Variants in SLC36A1 observed in about 807,000 individuals in gnomAD.
SLC36A1 encodes proton-coupled amino acid transporter 1.
Under a neutral mutation model 47.5 loss-of-function variants are expected in SLC36A1, and 30 were observed. The observed-to-expected ratio is 0.63, with a 90% CI of 0.47 to 0.86. The LOEUF is 0.86. Among genes scored for constraint, SLC36A1 ranks in the 40% least tolerant of loss-of-function variants. The probability of loss-of-function intolerance (pLI) is 0.00; values close to 1 mark genes in which losing one functional copy is unlikely to be tolerated. For missense variants in SLC36A1, 517 were observed against 606.0 expected (o/e 0.85, Z 1.54); for synonymous variants, 255 against 249.7 (o/e 1.02, Z -0.20).
chr5:151,480,013 T>TG, intron 10 of SLC36A1: 2 of 989,590 alleles, frequency 2.0e-6, no homozygotes, highest in Non-Finnish European at 2.9e-6. Context: ...GGTATTTGAT[T>TG]GATCACTTGT....
intron 10 of SLC36A1, among the ~76,000 whole-genome samples, chr5:151,481,870 G>C (rs555436079): frequency 6.6e-6 from 1 of 152,284 alleles, no homozygotes; most frequent in African/African-American, 2.4e-5. Flanking sequence ...GTCACCTTAT[G>C]TCCAGACCTT....
the SLC36A1 span, chr5:151,347,314 C>T: frequency 3.4e-3 from 5,529 of 1,614,216 alleles, 260 homozygotes; most frequent in East Asian, 0.11. Flanking sequence ...CCTTGGTCTT[C>T]TTCAAGCCTG....
At chr5:151,472,539 G>C (rs952403188) in intron 7 of SLC36A1, among the ~76,000 whole-genome samples, 2 of 152,176 alleles carry the variant, frequency 1.3e-5, no homozygotes, top group African/African-American at 4.8e-5. Context: ...TGTACCTGCA[G>C]TTAACAGTTG....
intron 1 of SLC36A1, among the ~76,000 whole-genome samples, chr5:151,455,233 A>G (rs971208458): frequency 6.6e-6 from 1 of 152,032 alleles, no homozygotes; most frequent in Admixed American, 6.5e-5. Flanking sequence ...TCTACCCATG[A>G]TTCTCTCATG....
chr5:151,499,070 CTGTAGTGAAT>C, the SLC36A1 span, among the ~76,000 whole-genome samples: 1 of 152,330 alleles, frequency 6.6e-6, no homozygotes, highest in Admixed American at 6.5e-5. Flanking sequence ...TAGTCTCCTT[CTGTAGTGAAT>C]AGTGCCCTGG....
chr5:151,442,480 C>A (rs552447864), intron 1 of SLC36A1, among the ~76,000 whole-genome samples: 1 of 152,116 alleles, frequency 6.6e-6, no homozygotes, highest in African/African-American at 2.4e-5. Context: ...TCATCTCAAA[C>A]GCTTATTTCT....
At chr5:151,425,951 C>G in the SLC36A1 span, among the ~76,000 whole-genome samples, 1 of 127,658 alleles carries the variant, frequency 7.8e-6, no homozygotes, top group Non-Finnish European at 1.7e-5. Flanking sequence ...AGAGATAGTC[C>G]CTCTCTCTCT....
At chr5:151,522,227 G>GAAA in the SLC36A1 span, 65 of 536,768 alleles carry the variant, frequency 1.2e-4, no homozygotes, top group South Asian at 7.5e-4. Flanking sequence ...GTTGCATTTA[G>GAAA]AAAAAAAAAA....
chr5:151,521,778 G>A, the SLC36A1 span: 178 of 1,614,128 alleles, frequency 1.1e-4, no homozygotes, highest in African/African-American at 8.9e-4. Flanking sequence ...AGGTCCCATC[G>A]CTGACCGTGA....
chr5:151,448,231 G>A (rs1753115275), intron 1 of SLC36A1, among the ~76,000 whole-genome samples: 1 of 152,234 alleles, frequency 6.6e-6, no homozygotes, highest in Non-Finnish European at 1.5e-5. Flanking sequence ...GAAGGGGTAA[G>A]GGCTTGCCTA....
the SLC36A1 span, among the ~76,000 whole-genome samples, chr5:151,358,575 T>A: frequency 1.3e-5 from 2 of 152,222 alleles, no homozygotes. Flanking sequence ...TTGTTGTACA[T>A]GTTTCCTGAT....
At chr5:151,383,193 C>CA in the SLC36A1 span, among the ~76,000 whole-genome samples, 2,304 of 152,294 alleles carry the variant, frequency 0.015, 32 homozygotes, top group Non-Finnish European at 0.023. Flanking sequence ...CACTGGGCAC[C>CA]ACTTGTCCTG....
At chr5:151,362,384 T>A in the SLC36A1 span, among the ~76,000 whole-genome samples, 1 of 141,690 alleles carries the variant, frequency 7.1e-6, no homozygotes, top group Non-Finnish European at 1.5e-5. Flanking sequence ...GCTTGATTGA[T>A]TCTTCTTTTT....
downstream of SLC36A1, among the ~76,000 whole-genome samples, chr5:151,493,218 A>G (rs1157696798): frequency 6.6e-6 from 1 of 152,182 alleles, no homozygotes; most frequent in Non-Finnish European, 1.5e-5. Context: ...CTCACTCAAT[A>G]CATTTCCCCG....
In SLC36A1 at chr5:151,487,616, C is replaced by T. The variant is rs76636107; in HGVS notation, c.1160-367C>T. ...AAGAAAATGAGCAGCTGCTCAGGAA[C>T]GTCCACCTCCTTTTCTTCTCCCTAC... On this transcript the variant is annotated intron_variant, in intron 10 of 10. Transcript: ENST00000243389. 0.012 allele frequency among the ~76,000 whole-genome samples: 1,849 copies of T among 152,252 alleles called. 64 individuals are homozygous for T. The East Asian group carries it at 0.13, about 11-fold the overall frequency.
the SLC36A1 span, among the ~76,000 whole-genome samples, chr5:151,523,913 G>A: frequency 1.2e-3 from 181 of 152,250 alleles, 1 homozygote; most frequent in Middle Eastern, 3.4e-3. Flanking sequence ...GTCTTCATGG[G>A]AGCCAACAAT....
the SLC36A1 span, among the ~76,000 whole-genome samples, chr5:151,526,608 T>A: frequency 3.9e-5 from 6 of 152,254 alleles, no homozygotes; most frequent in African/African-American, 7.2e-5. Flanking sequence ...TCTTATAAAA[T>A]CCTGCTTTGG....
chr5:151,514,723 C>T, the SLC36A1 span, among the ~76,000 whole-genome samples: 1 of 152,206 alleles, frequency 6.6e-6, no homozygotes, highest in Admixed American at 6.5e-5. Context: ...CTGATCATCT[C>T]ACATCCTACT....
At chr5:151,550,859 T>C in the SLC36A1 span, 1 of 1,613,002 alleles carries the variant, frequency 6.2e-7, no homozygotes, top group South Asian at 1.1e-5. Flanking sequence ...TTGGCAATCA[T>C]GAAGATGTGG....
Sources: allele counts gnomAD v4.1 joint callset (sites outside exome capture counted in the v4.1 genomes callset), GRCh38; gene constraint gnomAD v4.1.1; transcripts MANE v1.5; gene names NCBI Gene and HGNC (gene_info 2026-07-23, HGNC 2026-07-21).